FAT3: variants seen among roughly 807,000 people sequenced by gnomAD.
FAT3 encodes protocadherin Fat 3.
In FAT3, 95 loss-of-function variants were observed where a neutral mutation model predicts 310.2. The ratio of observed to expected loss-of-function variants is 0.31; its 90% confidence interval spans 0.26 to 0.36. The LOEUF is 0.36. Among genes scored for constraint, FAT3 ranks in the 10% least tolerant of loss-of-function variants. FAT3 has a pLI of 1.00. For missense variants in FAT3, 5,408 were observed against 5,715.6 expected, an observed-to-expected ratio of 0.95 and a Z score of 1.74; for synonymous variants, 2,314 against 2,192.9, an observed-to-expected ratio of 1.06 and a Z score of -1.54.
At chr11:92,735,867 T>C (rs191963159) in intron 4 of FAT3, among the ~76,000 whole-genome samples, 1 of 152,088 alleles carries the variant, frequency 6.6e-6, no homozygotes, top group Admixed American at 6.6e-5. Flanking sequence ...TATATGTTTG[T>C]TGAATAATTA....
At chr11:92,442,107 A>ATT (rs1565320189) in intron 2 of FAT3, among the ~76,000 whole-genome samples, 2 of 49,862 alleles carry the variant, frequency 4.0e-5, no homozygotes, top group African/African-American at 2.9e-4. Context: ...ATATATATAT[A>ATT]TATATTTTTT....
intron 1 of FAT3, among the ~76,000 whole-genome samples, chr11:92,320,190 T>G (rs1006271484): frequency 1.4e-4 from 21 of 152,348 alleles, no homozygotes; most frequent in Non-Finnish European, 2.8e-4. Flanking sequence ...TGGCAAAAGC[T>G]GCAGTTACTT....
chr11:92,734,263 G>A (rs1591662172), intron 4 of FAT3, among the ~76,000 whole-genome samples: 1 of 152,182 alleles, frequency 6.6e-6, no homozygotes, highest in East Asian at 1.9e-4. Context: ...TATGTCACCT[G>A]TGTCAGTGCG....
intron 13 of FAT3, among the ~76,000 whole-genome samples, chr11:92,818,685 C>T (rs1051468145): frequency 3.3e-5 from 5 of 152,150 alleles, no homozygotes; most frequent in African/African-American, 1.2e-4. Flanking sequence ...TCAGCTTCTC[C>T]GAGCCTTTAG....
intron 12 of FAT3, among the ~76,000 whole-genome samples, chr11:92,807,468 A>G (rs955535321): frequency 1.3e-5 from 2 of 152,178 alleles, no homozygotes; most frequent in African/African-American, 4.8e-5. Context: ...GACTTTACCT[A>G]CATTTATTAG....
chr11:92,489,167 C>T (rs1952524420), intron 2 of FAT3, among the ~76,000 whole-genome samples: 1 of 152,078 alleles, frequency 6.6e-6, no homozygotes, highest in African/African-American at 2.4e-5. Context: ...AATGTGAATG[C>T]TTATCTCACT....
intron 21 of FAT3, among the ~76,000 whole-genome samples, chr11:92,864,424 T>A (rs762558585): frequency 1.3e-5 from 2 of 152,184 alleles, no homozygotes; most frequent in Non-Finnish European, 2.9e-5. Context: ...ATATGGAAAT[T>A]ATCCAGGAGT....
At chr11:92,383,817 A>AT (rs570140490) in intron 2 of FAT3, among the ~76,000 whole-genome samples, 6 of 152,188 alleles carry the variant, frequency 3.9e-5, no homozygotes, top group South Asian at 4.1e-4. Context: ...AACACATTTC[A>AT]TTTTTTTTAA....
intron 2 of FAT3, among the ~76,000 whole-genome samples, chr11:92,500,586 GTTTTCCCA>G (rs1565364885): frequency 1.3e-5 from 2 of 151,998 alleles, no homozygotes; most frequent in Non-Finnish European, 2.9e-5. Flanking sequence ...CTTCTTGGAA[GTTTTCCCA>G]TTATCAGAAC....
chr11:92,614,310 C>G (rs776983137), intron 3 of FAT3, among the ~76,000 whole-genome samples: 7 of 152,286 alleles, frequency 4.6e-5, no homozygotes, highest in African/African-American at 1.4e-4. Context: ...TATTAACATT[C>G]TAAGTAACTG....
chr11:92,256,738 A>G (rs186090414), intron 1 of FAT3, among the ~76,000 whole-genome samples: 1 of 152,180 alleles, frequency 6.6e-6, no homozygotes, highest in African/African-American at 2.4e-5. Context: ...TGTTAAGCTC[A>G]TCACAATTCT....
At chr11:92,679,191 C>T (rs12279970) in intron 3 of FAT3, among the ~76,000 whole-genome samples, 1,579 of 152,010 alleles carry the variant, frequency 0.01, 27 homozygotes, top group African/African-American at 0.035. Flanking sequence ...TTCATACATT[C>T]GTCTGTTGAT....
rs533283307 is a variant in FAT3, at chr11:92,294,393, C to T, written c.-17-57703C>T. On this transcript the variant is annotated intron_variant, in intron 1 of 27. Transcript: ENST00000525166. ...GTGGAAGGGACACACACATTCAGTC[C>T]ATACCACTTGTCCAACAAACACTGC... Among the ~76,000 whole-genome samples the T allele has an allele frequency of 3.3e-5, 5 of 152,142 alleles. No homozygotes were observed. The East Asian group carries it at 9.7e-4, about 30-fold the overall frequency.
intron 2 of FAT3, among the ~76,000 whole-genome samples, chr11:92,395,781 G>A (rs192914232): frequency 1.3e-5 from 2 of 152,018 alleles, no homozygotes; most frequent in Non-Finnish European, 2.9e-5. Flanking sequence ...GTTTCACCAT[G>A]TTGGCCAGGC....
At chr11:92,675,637 A>G (rs914430564) in intron 3 of FAT3, among the ~76,000 whole-genome samples, 5 of 152,146 alleles carry the variant, frequency 3.3e-5, no homozygotes, top group African/African-American at 1.2e-4. Context: ...GCCAGGTTAT[A>G]ATCATACTGT....
chr11:92,401,237 GCTGT>G (rs1011923536), intron 2 of FAT3, among the ~76,000 whole-genome samples: 1 of 152,150 alleles, frequency 6.6e-6, no homozygotes, highest in African/African-American at 2.4e-5. Context: ...CCTGGGAGTT[GCTGT>G]CTAAGGGGAT....
At chr11:92,227,655 G>A (rs950927836) in intron 1 of FAT3, among the ~76,000 whole-genome samples, 3 of 152,022 alleles carry the variant, frequency 2.0e-5, no homozygotes, top group East Asian at 3.9e-4. Context: ...AGGAGGGGAT[G>A]GAGGAGAGAA....
chr11:92,641,617 C>T (rs1210360789), intron 3 of FAT3, among the ~76,000 whole-genome samples: 1 of 152,150 alleles, frequency 6.6e-6, no homozygotes, highest in African/African-American at 2.4e-5. Flanking sequence ...CTGCCTTTCT[C>T]TTATAAGGAT....
At chr11:92,631,907 G>A (rs760343279) in intron 3 of FAT3, among the ~76,000 whole-genome samples, 1 of 152,154 alleles carries the variant, frequency 6.6e-6, no homozygotes, top group Non-Finnish European at 1.5e-5. Flanking sequence ...GCTTCCCTTT[G>A]CCTCTATGTC....
Sources: gnomAD v4.1 joint callset for allele counts (sites outside exome capture counted in the v4.1 genomes callset) on GRCh38, gnomAD v4.1.1 for gene constraint, MANE v1.5 for transcripts, NCBI Gene and HGNC (gene_info 2026-07-23, HGNC 2026-07-21) for gene names.